The following MBNL2 variants were observed in gnomAD, a reference collection of about 807,000 sequenced individuals.
MBNL2 encodes muscleblind like splicing regulator 2, also known as muscleblind-like protein 2.
In MBNL2, 17 loss-of-function variants were observed where a neutral mutation model predicts 41.9. The observed-to-expected ratio is 0.41, with a 90% CI of 0.28 to 0.61. The LOEUF (loss-of-function observed/expected upper bound fraction) is 0.61. Ranked by LOEUF, MBNL2 falls within the 20% of genes least tolerant of loss-of-function variation. The pLI, the probability that MBNL2 is intolerant of heterozygous loss-of-function variation, is 0.35. For synonymous variants in MBNL2, 195 were observed against 182.9 expected (o/e 1.07, Z -0.53); for missense variants, 336 against 505.6 (o/e 0.66, Z 3.22).
At chr13:97,370,135 A>G (rs2064222193) in intron 8 of MBNL2, among the ~76,000 whole-genome samples, 1 of 152,162 alleles carries the variant, frequency 6.6e-6, no homozygotes, top group Non-Finnish European at 1.5e-5. Context: ...CATGGGTACA[A>G]TGATCATCAT....
At chr13:97,339,211 G>A (rs2061197347) in intron 3 of MBNL2, among the ~76,000 whole-genome samples, 1 of 138,950 alleles carries the variant, frequency 7.2e-6, no homozygotes, top group Non-Finnish European at 1.6e-5. Flanking sequence ...GTGTGTGTGA[G>A]TGTATGGGAG....
In MBNL2 at chr13:97,298,213, A is replaced by T. The variant is rs891567943; in HGVS notation, c.174+21804A>T. ...TATAAATAAATAAAAATAAATAAAT[A>T]AAAAAATTCTTAAAACAGTCCTGGA... is the stretch of plus-strand genomic sequence containing the variant. On this transcript the variant is annotated intron_variant, in intron 2 of 8. Transcript: ENST00000679496. 3.3e-5 allele frequency among the ~76,000 whole-genome samples: 5 copies of T among 151,834 alleles called. No individual in the cohort carries two copies. In the South Asian group the frequency reaches 8.3e-4, roughly 25 times the overall value.
the MBNL2 span, among the ~76,000 whole-genome samples, chr13:97,199,411 A>G: frequency 6.6e-6 from 1 of 152,178 alleles, no homozygotes; most frequent in Non-Finnish European, 1.5e-5. Context: ...TGAAAGCTCC[A>G]TGAGGGCAAG....
At chr13:97,264,519 A>G (rs2152891941) in intron 1 of MBNL2, among the ~76,000 whole-genome samples, 1 of 152,344 alleles carries the variant, frequency 6.6e-6, no homozygotes, top group Non-Finnish European at 1.5e-5. Context: ...TAGCATCAAA[A>G]TTTTAAAATA....
chr13:97,195,406 C>T, the MBNL2 span, among the ~76,000 whole-genome samples: 2 of 152,048 alleles, frequency 1.3e-5, no homozygotes, highest in Admixed American at 1.3e-4. Context: ...ACTGTGTGTG[C>T]CTCAAGGACA....
At chr13:97,194,329 G>A in the MBNL2 span, among the ~76,000 whole-genome samples, 3 of 152,090 alleles carry the variant, frequency 2.0e-5, no homozygotes, top group East Asian at 1.9e-4. Context: ...TGGTACATAG[G>A]TGGGCTCCTT....
intron 8 of MBNL2, among the ~76,000 whole-genome samples, chr13:97,386,448 G>A (rs1211839528): frequency 6.6e-6 from 1 of 152,204 alleles, no homozygotes; most frequent in African/African-American, 2.4e-5. Flanking sequence ...GGTAGCACTT[G>A]GCTGGGGCTG....
chr13:97,365,304 C>A, intron 8 of MBNL2, 133 bp downstream of exon 8: 1 of 688,976 alleles, frequency 1.5e-6, no homozygotes, highest in Non-Finnish European at 2.6e-6. Context: ...TTAGAGTTAA[C>A]ATATAGGTTT....
chr13:97,214,418 G>A, the MBNL2 span, among the ~76,000 whole-genome samples: 1 of 152,096 alleles, frequency 6.6e-6, no homozygotes, highest in Admixed American at 6.5e-5. Flanking sequence ...AATATTTATT[G>A]TCAGTCCCAT....
intron 7 of MBNL2, among the ~76,000 whole-genome samples, chr13:97,357,983 CT>C (rs1370180187): frequency 1.3e-5 from 2 of 152,106 alleles, no homozygotes; most frequent in Non-Finnish European, 2.9e-5. Flanking sequence ...TCTGAATGAC[CT>C]AAAAATAGCA....
chr13:97,228,550 A>T (rs2041972004), intron 1 of MBNL2, among the ~76,000 whole-genome samples: 1 of 123,778 alleles, frequency 8.1e-6, no homozygotes. Flanking sequence ...TTTTTTTGAG[A>T]CAGAGTCGCA....
chr13:97,378,533 T>C (rs1020973245), intron 8 of MBNL2, among the ~76,000 whole-genome samples: 4 of 152,204 alleles, frequency 2.6e-5, no homozygotes, highest in Non-Finnish European at 5.9e-5. Context: ...ATGATTAACA[T>C]GAATTGACAG....
At chr13:97,154,914 T>C in the MBNL2 span, among the ~76,000 whole-genome samples, 1 of 152,164 alleles carries the variant, frequency 6.6e-6, no homozygotes, top group South Asian at 2.1e-4. Flanking sequence ...CAATATTGAG[T>C]ACTGCACAAA....
At chr13:97,196,969 T>C in the MBNL2 span, among the ~76,000 whole-genome samples, 1 of 152,136 alleles carries the variant, frequency 6.6e-6, no homozygotes, top group Non-Finnish European at 1.5e-5. Context: ...AGACCAAGGG[T>C]CACCAATTAC....
chr13:97,284,551 C>T (rs1254269479), intron 2 of MBNL2, among the ~76,000 whole-genome samples: 1 of 152,182 alleles, frequency 6.6e-6, no homozygotes, highest in African/African-American at 2.4e-5. Context: ...TCTGCAACTA[C>T]CCTATTTCTA....
chr13:97,202,772 A>G, the MBNL2 span, among the ~76,000 whole-genome samples: 4 of 152,242 alleles, frequency 2.6e-5, no homozygotes, highest in South Asian at 4.1e-4. Context: ...GCTCTTGACT[A>G]TAAAGATGAA....
At chr13:97,190,036 G>A in the MBNL2 span, among the ~76,000 whole-genome samples, 1 of 152,374 alleles carries the variant, frequency 6.6e-6, no homozygotes, top group East Asian at 1.9e-4. Flanking sequence ...AACCACGAGT[G>A]TCAGCAGTGT....
At chr13:97,288,728 T>C (rs892146773) in intron 2 of MBNL2, among the ~76,000 whole-genome samples, 10 of 152,254 alleles carry the variant, frequency 6.6e-5, no homozygotes, top group African/African-American at 2.2e-4. Flanking sequence ...TCAAAGATTA[T>C]AGTCCAGTGT....
intron 1 of MBNL2, among the ~76,000 whole-genome samples, chr13:97,242,703 G>T (rs1436395842): frequency 1.3e-5 from 2 of 152,024 alleles, no homozygotes; most frequent in African/African-American, 4.8e-5. Context: ...GCCCCCCGGG[G>T]TTGGGGATGA....
Sources: allele counts gnomAD v4.1 joint callset (sites outside exome capture counted in the v4.1 genomes callset), GRCh38; gene constraint gnomAD v4.1.1; transcripts MANE v1.5; gene names NCBI Gene and HGNC (gene_info 2026-07-23, HGNC 2026-07-21).